NKAIN2: variants seen among roughly 807,000 people sequenced by gnomAD.
The protein encoded by NKAIN2 is sodium/potassium-transporting ATPase subunit beta-1-interacting protein 2.
In NKAIN2, 14 loss-of-function variants were observed where a neutral mutation model predicts 32.6. The observed-to-expected ratio is 0.43, with a 90% CI of 0.28 to 0.67. NKAIN2 has a LOEUF of 0.67. NKAIN2 is among the 30% of genes least tolerant of loss of function. The pLI, the probability that NKAIN2 is intolerant of heterozygous loss-of-function variation, is 0.17. For missense variants in NKAIN2, 198 were observed against 258.3 expected (o/e 0.77, Z 1.60); for synonymous variants, 80 against 87.2 (o/e 0.92, Z 0.46).
chr6:123,817,646 A>G lies in NKAIN2; in HGVS notation c.54+13392A>G, dbSNP rs756648755. ...GCCCCTTCCTCCATCCCTTTGACCT[A>G]TGAAAACGGAATCTTCAGGGAGGCA... On this transcript the variant is annotated intron_variant, in intron 1 of 6. Coordinates refer to ENST00000368417, the MANE Select transcript of NKAIN2 (RefSeq NM_001040214.3). 5.9e-5 allele frequency among the ~76,000 whole-genome samples: 9 copies of G among 152,142 alleles called. 1 individual carries two copies. The East Asian group carries it at 9.7e-4, about 16-fold the overall frequency.
In NKAIN2 at chr6:124,598,874, T is replaced by C. The variant is rs549438515; in HGVS notation, c.274-59312T>C. Among the ~76,000 whole-genome samples the C allele has an allele frequency of 2.4e-4, 37 of 152,210 alleles. No individual in the cohort carries two copies. In the South Asian group the frequency reaches 6.6e-3, roughly 27 times the overall value. On this transcript the variant is annotated intron_variant, in intron 3 of 6. Transcript: ENST00000368417. ...TTATGGATATATGCCCATGTGTTCC[T>C]AAATGCAATGCCTTCTCAAGTTTCT...
chr6:123,947,868 G>C (rs1777143412), intron 1 of NKAIN2, among the ~76,000 whole-genome samples: 1 of 151,940 alleles, frequency 6.6e-6, no homozygotes, highest in African/African-American at 2.4e-5. Context: ...CTGTCTAACT[G>C]TGTATGTGTA....
chr6:124,623,306 A>T (rs769482057), intron 3 of NKAIN2, among the ~76,000 whole-genome samples: 9 of 152,178 alleles, frequency 5.9e-5, no homozygotes, highest in Non-Finnish European at 1.2e-4. Context: ...GGGGCTGCAA[A>T]GGAAAGACCA....
At chr6:124,714,929 G>A (rs1466142378) in intron 4 of NKAIN2, among the ~76,000 whole-genome samples, 1 of 152,186 alleles carries the variant, frequency 6.6e-6, no homozygotes, top group Non-Finnish European at 1.5e-5. Context: ...GCCCAGTGAT[G>A]GCAGTAGGCA....
At chr6:124,208,085 G>C (rs1472194863) in intron 1 of NKAIN2, among the ~76,000 whole-genome samples, 2 of 151,744 alleles carry the variant, frequency 1.3e-5, no homozygotes, top group African/African-American at 4.8e-5. Context: ...GTTAGCTGTG[G>C]AGAGTACAAC....
chr6:124,772,206 G>A (rs1778787736), intron 4 of NKAIN2, among the ~76,000 whole-genome samples: 1 of 152,134 alleles, frequency 6.6e-6, no homozygotes, highest in Non-Finnish European at 1.5e-5. Flanking sequence ...CAATGAGGTG[G>A]GAAAAGAAAT....
chr6:124,292,439 G>A (rs73773712), intron 2 of NKAIN2, among the ~76,000 whole-genome samples: 4,455 of 152,062 alleles, frequency 0.029, 220 homozygotes, highest in African/African-American at 0.1. Flanking sequence ...TGCTCAGTTT[G>A]CCTTTTTGAA....
At chr6:124,774,481 G>C (rs796681506) in intron 4 of NKAIN2, among the ~76,000 whole-genome samples, 23 of 152,262 alleles carry the variant, frequency 1.5e-4, no homozygotes, top group African/African-American at 5.3e-4. Flanking sequence ...TTTGCACATA[G>C]TAAGTTTGAA....
chr6:123,986,914 T>G (rs1004872038), intron 1 of NKAIN2, among the ~76,000 whole-genome samples: 1 of 152,166 alleles, frequency 6.6e-6, no homozygotes, highest in Non-Finnish European at 1.5e-5. Context: ...AAGAGTGTTA[T>G]GTGCTGAATG....
chr6:124,377,841 A>T (rs943519614), intron 3 of NKAIN2, among the ~76,000 whole-genome samples: 1 of 152,166 alleles, frequency 6.6e-6, no homozygotes, highest in African/African-American at 2.4e-5. Context: ...GGAGTCCTCA[A>T]TATTGCCTGC....
intron 5 of NKAIN2, among the ~76,000 whole-genome samples, chr6:124,811,646 G>A (rs150966690): frequency 6.6e-6 from 1 of 151,978 alleles, no homozygotes; most frequent in Non-Finnish European, 1.5e-5. Flanking sequence ...CTACCCATAG[G>A]TCAATAGATG....
intron 1 of NKAIN2, among the ~76,000 whole-genome samples, chr6:123,850,003 T>A (rs1297628773): frequency 2.0e-5 from 3 of 146,718 alleles, no homozygotes; most frequent in Admixed American, 7.0e-5. Context: ...AGATGAGGTC[T>A]CTCTTTGTTG....
At chr6:124,100,073 C>G (rs893300735) in intron 1 of NKAIN2, among the ~76,000 whole-genome samples, 1 of 152,152 alleles carries the variant, frequency 6.6e-6, no homozygotes, top group Admixed American at 6.5e-5. Flanking sequence ...AGGAAATGTT[C>G]TCTTACATGT....
chr6:124,679,393 A>G (rs913576295), intron 4 of NKAIN2, among the ~76,000 whole-genome samples: 1 of 152,146 alleles, frequency 6.6e-6, no homozygotes, highest in African/African-American at 2.4e-5. Context: ...CAGCCCTCCA[A>G]AAAGTATGAA....
chr6:124,555,336 C>CTGA (rs1554225209), intron 3 of NKAIN2, among the ~76,000 whole-genome samples: 1 of 151,366 alleles, frequency 6.6e-6, no homozygotes, highest in Non-Finnish European at 1.5e-5. Flanking sequence ...ATGACAGCCT[C>CTGA]CTGACTGTGT....
chr6:124,372,540 C>A (rs1156505288), intron 3 of NKAIN2, among the ~76,000 whole-genome samples: 1 of 152,138 alleles, frequency 6.6e-6, no homozygotes, highest in Non-Finnish European at 1.5e-5. Flanking sequence ...AGAAAGGATA[C>A]TCAAGTTTAC....
intron 1 of NKAIN2, among the ~76,000 whole-genome samples, chr6:124,267,330 A>T (rs754792044): frequency 6.6e-6 from 1 of 152,062 alleles, no homozygotes; most frequent in African/African-American, 2.4e-5. Context: ...ATTTCTTCCA[A>T]TGTGTGGGCT....
intron 3 of NKAIN2, among the ~76,000 whole-genome samples, chr6:124,488,383 A>G (rs1337618965): frequency 6.6e-6 from 1 of 152,012 alleles, no homozygotes; most frequent in Admixed American, 6.6e-5. Flanking sequence ...TTGTTTCTGT[A>G]ATCATATTAT....
chr6:123,872,551 G>T (rs1217529571), intron 1 of NKAIN2, among the ~76,000 whole-genome samples: 1 of 152,184 alleles, frequency 6.6e-6, no homozygotes, highest in East Asian at 1.9e-4. Flanking sequence ...CATGATGATG[G>T]TTGAGGAATT....
Sources: gnomAD v4.1 joint callset for allele counts (sites outside exome capture counted in the v4.1 genomes callset) on GRCh38, gnomAD v4.1.1 for gene constraint, MANE v1.5 for transcripts, NCBI Gene and HGNC (gene_info 2026-07-23, HGNC 2026-07-21) for gene names.